BTBD2: variants seen among roughly 807,000 people sequenced by gnomAD.
BTBD2 encodes the protein BTB domain containing 2.
Under a neutral mutation model 44.0 loss-of-function variants are expected in BTBD2, and 15 were observed. The observed-to-expected ratio is 0.34, with a 90% CI of 0.23 to 0.53. The LOEUF is 0.53. Ranked by LOEUF, BTBD2 falls within the 20% of genes least tolerant of loss-of-function variation. The pLI is 0.95. For synonymous variants in BTBD2, 443 were observed against 335.9 expected, an observed-to-expected ratio of 1.32 and a Z score of -3.49; for missense variants, 657 against 746.4, an observed-to-expected ratio of 0.88 and a Z score of 1.39.
At chr19:2,011,936 C>G (rs2016470102) in intron 1 of BTBD2, among the ~76,000 whole-genome samples, 1 of 152,056 alleles carries the variant, frequency 6.6e-6, no homozygotes, top group South Asian at 2.1e-4. Flanking sequence ...CTCACTGCAA[C>G]CTCCGCCTCC....
intron 2 of BTBD2, among the ~76,000 whole-genome samples, chr19:1,995,298 T>TTTG (rs2145629863): frequency 8.2e-6 from 1 of 121,244 alleles, no homozygotes. Flanking sequence ...TTTTTTTTTT[T>TTTG]TGAGAGGGAG....
chr19:1,991,082 A>G (rs1161217321), intron 3 of BTBD2: 2 of 416,002 alleles, frequency 4.8e-6, no homozygotes, highest in African/African-American at 2.1e-5. Flanking sequence ...AAAGATGCTC[A>G]GGTCCCTGTC....
At chr19:1,990,854 G>A (rs2016167182) in intron 3 of BTBD2, 32 bp from the exon 4 acceptor site, 2 of 1,522,728 alleles carry the variant, frequency 1.3e-6, no homozygotes, top group East Asian at 2.4e-5. Flanking sequence ...GGGCGCGGTG[G>A]GGACATCAGC....
chr19:2,008,057 T>C (rs189664904), intron 1 of BTBD2, among the ~76,000 whole-genome samples: 2 of 151,356 alleles, frequency 1.3e-5, no homozygotes, highest in Admixed American at 1.3e-4. Context: ...CAGGCTGGAG[T>C]GCAGCAGCAC....
chr19:1,995,363 G>C (rs1287920969), intron 2 of BTBD2, among the ~76,000 whole-genome samples: 1 of 140,622 alleles, frequency 7.1e-6, no homozygotes, highest in African/African-American at 2.7e-5. Context: ...CTCACTGCAA[G>C]CTCTGCCACC....
At chr19:2,005,843 CTTTGGGAGGCCAA>C (rs1231792816) in intron 1 of BTBD2, among the ~76,000 whole-genome samples, 2 of 151,732 alleles carry the variant, frequency 1.3e-5, no homozygotes, top group Non-Finnish European at 2.9e-5. Flanking sequence ...AATCCCAGTG[CTTTGGGAGGCCAA>C]GTTGGGAGGA....
At position 1,990,151 on chromosome 19, in the gene BTBD2, G is replaced by T; in HGVS notation, c.841C>A (p.Arg281=). Residue 281 remains arginine, a synonymous_variant, in exon 5 of 9, where the codon CGG becomes AGG. Coordinates refer to ENST00000255608, the MANE Select transcript of BTBD2 (RefSeq NM_017797.4). ...CAGCGGACAACGGCATTGAACAGCCGCACCTCACGGATGCCCAGTGTGTCG... is the reference window on the plus strand; with the variant it reads ...CAGCGGACAACGGCATTGAACAGCCTCACCTCACGGATGCCCAGTGTGTCG... ...ERDTLGIREV[R]LFNAVVRWSE... The T allele has an allele frequency of 6.2e-7, 1 of 1,610,764 alleles. No individual in the cohort carries two copies.
Position 1,993,202 on chromosome 19 carries a change from G to A in BTBD2, c.528-26C>T, listed in dbSNP as rs115467939. 2.7e-3 allele frequency: 4,283 copies of A among 1,582,426 alleles called. 111 individuals are homozygous for A. The African/African-American group carries it at 0.051, about 19-fold the overall frequency. On this transcript the variant is annotated intron_variant, in intron 2 of 8. Transcript: ENST00000255608. ...CTGCAGAAGCAACGCGGGTGGCCGT[G>A]AGGTGGGACCGCCATGCCCGCCCCC...
At chr19:2,010,898 G>A (rs953915122) in intron 1 of BTBD2, among the ~76,000 whole-genome samples, 1 of 152,076 alleles carries the variant, frequency 6.6e-6, no homozygotes, top group South Asian at 2.1e-4. Flanking sequence ...TCGGCCTCCC[G>A]AAGTGCTGGG....
At chr19:1,987,454 C>T in intron 6 of BTBD2, 46 bp downstream of exon 6, 1 of 1,432,668 alleles carries the variant, frequency 7.0e-7, no homozygotes, top group Non-Finnish European at 9.4e-7. Flanking sequence ...TCCCCGAGTC[C>T]TCCACCCCCA....
At chr19:1,996,545 C>CAAAAAAAAAAAA (rs111933486) in intron 2 of BTBD2, among the ~76,000 whole-genome samples, 1 of 99,322 alleles carries the variant, frequency 1.0e-5, no homozygotes, top group African/African-American at 3.7e-5. Flanking sequence ...GCAAAACTGT[C>CAAAAAAAAAAAA]AAAAAAAAAA....
intron 1 of BTBD2, among the ~76,000 whole-genome samples, chr19:2,001,687 C>T (rs2016332459): frequency 1.3e-5 from 2 of 152,220 alleles, no homozygotes; most frequent in South Asian, 4.1e-4. Flanking sequence ...GGTGCAGGTG[C>T]TCCGATACCC....
chr19:2,010,733 G>A (rs1173120673), intron 1 of BTBD2, among the ~76,000 whole-genome samples: 2 of 151,430 alleles, frequency 1.3e-5, no homozygotes, highest in African/African-American at 4.9e-5. Context: ...TCTGCCTTCC[G>A]GATTCAAGCC....
intron 1 of BTBD2, among the ~76,000 whole-genome samples, chr19:2,001,547 C>A (rs1568219979): frequency 1.3e-5 from 2 of 152,172 alleles, no homozygotes; most frequent in Admixed American, 6.6e-5. Context: ...GCACAAAGGG[C>A]CAATGATTCC....
chr19:2,012,196 G>C (rs112302317), intron 1 of BTBD2, among the ~76,000 whole-genome samples: 9,409 of 141,398 alleles, frequency 0.067, 1,314 homozygotes, highest in African/African-American at 0.23. Flanking sequence ...TGTGTCGCCT[G>C]GGCTGGAGTG....
rs1228614637 is a variant in BTBD2 at position 1,989,580 on chromosome 19, T to C, written c.988+424A>G. The C allele has an allele frequency of 2.2e-5, 6 of 269,220 alleles. 1 individual carries two copies. The Admixed American group carries it at 3.0e-4, about 13-fold the overall frequency. 16.7% of individuals were successfully genotyped at this position (269,220 alleles called of 1,614,324 possible). On this transcript the variant is annotated intron_variant, in intron 5 of 8. Coordinates refer to ENST00000255608, the MANE Select transcript of BTBD2 (RefSeq NM_017797.4). ...CAGGAGGCATCGTTAGCGCTGCCCC[T>C]TCACGTCACCCTGGAACCCAGGCCC...
intron 1 of BTBD2, among the ~76,000 whole-genome samples, chr19:2,008,999 G>A (rs1248624590): frequency 2.7e-5 from 4 of 150,442 alleles, no homozygotes; most frequent in African/African-American, 9.8e-5. Context: ...AATGAAATGT[G>A]AGACCCCAGA....
Position 2,015,376 on chromosome 19 carries a change from G to C in BTBD2, c.328C>G (p.Leu110Val), listed in dbSNP as rs2016520973. Residue 110 changes from leucine to valine, a missense_variant, in exon 1 of 9, where the codon CTC becomes GTC. Leu to Val is a conservative substitution (Grantham distance 32). Around this residue, in one of 3 missense-constraint regions of BTBD2, gnomAD observed 191 missense variants for 188.5 expected, o/e 1.01. Transcript: ENST00000255608. ...KPTVQERFAF[L>V]FNNEVLCDVH... is the part of the protein sequence containing the mutation. ...TCGCACAGCACCTCGTTGTTGAAGAGGAAGGCGAAGCGCTCCTGCACGGTG... is the reference window on the plus strand; with the variant it reads ...TCGCACAGCACCTCGTTGTTGAAGACGAAGGCGAAGCGCTCCTGCACGGTG... 6.3e-7 allele frequency: 1 copy of C among 1,584,394 alleles called. No individual in the cohort carries two copies. The highest frequency in any genetic ancestry group is 8.5e-7 in the Non-Finnish European group (1 of 1,172,640).
chr19:1,993,333 A>G (rs1348616568), intron 2 of BTBD2, among the ~76,000 whole-genome samples, 157 bp from the exon 3 acceptor site: 1 of 152,206 alleles, frequency 6.6e-6, no homozygotes, highest in Admixed American at 6.5e-5. Context: ...ACCTTCCAGA[A>G]TTAGCCCCTG....
Sources: gnomAD v4.1 joint callset for allele counts (sites outside exome capture counted in the v4.1 genomes callset) on GRCh38, gnomAD v4.1.1 for gene constraint, gnomAD v4.1.1 regional missense constraint, MANE v1.5 for transcripts, NCBI Gene and HGNC (gene_info 2026-07-23, HGNC 2026-07-21) for gene names.